The following RGS6 variants were observed in gnomAD, a reference collection of about 807,000 sequenced individuals.
The protein encoded by RGS6 is regulator of G protein signaling 6, also known as regulator of G-protein signaling 6.
RGS6 carries 30 observed loss-of-function variants against 78.5 expected under a neutral mutation model. That is an observed-to-expected ratio of 0.38 (90% CI 0.29 to 0.52). The LOEUF is 0.52. Ranked by LOEUF, RGS6 falls within the 20% of genes least tolerant of loss-of-function variation. The pLI, the probability that RGS6 is intolerant of heterozygous loss-of-function variation, is 0.85. For synonymous variants in RGS6, 206 were observed against 206.0 expected, an observed-to-expected ratio of 1.00 and a Z score of 0.00; for missense variants, 495 against 609.7, an observed-to-expected ratio of 0.81 and a Z score of 1.98.
At chr14:72,293,684 G>A (rs2064100884) in intron 2 of RGS6, among the ~76,000 whole-genome samples, 2 of 152,176 alleles carry the variant, frequency 1.3e-5, no homozygotes, top group South Asian at 4.1e-4. Flanking sequence ...AATAGTTGGT[G>A]CTATATTCTG....
chr14:72,383,213 T>TACATATAC (rs1555364568), intron 3 of RGS6, among the ~76,000 whole-genome samples: 22 of 118,336 alleles, frequency 1.9e-4, no homozygotes, highest in Admixed American at 1.9e-3. Flanking sequence ...TATATATATA[T>TACATATAC]ACACACAAAC....
chr14:71,977,818 A>T (rs1196981717), intron 2 of RGS6, among the ~76,000 whole-genome samples: 14 of 152,042 alleles, frequency 9.2e-5, no homozygotes, highest in African/African-American at 3.4e-4. Context: ...TGGTAGCTTG[A>T]TGGGGATGGC....
intron 17 of RGS6, chr14:72,541,626 G>A (rs1286452277): frequency 6.5e-7 from 1 of 1,535,198 alleles, no homozygotes; most frequent in Non-Finnish European, 8.7e-7. Flanking sequence ...AGAAGGTAGT[G>A]GGATCCCATC....
At chr14:72,127,967 G>T (rs2096239748) in intron 2 of RGS6, among the ~76,000 whole-genome samples, 1 of 151,970 alleles carries the variant, frequency 6.6e-6, no homozygotes, top group African/African-American at 2.4e-5. Flanking sequence ...AATTGCCCAA[G>T]ATTCATCCAA....
chr14:72,184,988 A>C (rs1179543675), intron 2 of RGS6, among the ~76,000 whole-genome samples: 2 of 152,190 alleles, frequency 1.3e-5, no homozygotes, highest in African/African-American at 4.8e-5. Context: ...TCCGAGTCCC[A>C]AAACCTCAAA....
intron 2 of RGS6, among the ~76,000 whole-genome samples, chr14:72,200,974 A>G (rs78990775): frequency 1.8e-5 from 1 of 56,700 alleles, no homozygotes; most frequent in East Asian, 4.5e-4. Context: ...AAAAAAAAAA[A>G]AAAAAAAAAA....
intron 3 of RGS6, among the ~76,000 whole-genome samples, chr14:72,419,517 A>T (rs1363857605): frequency 6.6e-6 from 1 of 152,204 alleles, no homozygotes; most frequent in Non-Finnish European, 1.5e-5. Flanking sequence ...TCGGCTGAAC[A>T]TCAGTGTTTA....
chr14:71,913,914 T>C, the RGS6 span, among the ~76,000 whole-genome samples: 1 of 152,244 alleles, frequency 6.6e-6, no homozygotes, highest in African/African-American at 2.4e-5. Flanking sequence ...AAGTGGATTA[T>C]CTAATTTACC....
At chr14:71,880,340 C>A in the RGS6 span, among the ~76,000 whole-genome samples, 3 of 152,066 alleles carry the variant, frequency 2.0e-5, no homozygotes, top group Non-Finnish European at 4.4e-5. Flanking sequence ...TGCAGAAATT[C>A]GCATTAGTAA....
chr14:72,225,234 C>T (rs1011307863), intron 2 of RGS6, among the ~76,000 whole-genome samples: 2 of 152,186 alleles, frequency 1.3e-5, no homozygotes, highest in African/African-American at 4.8e-5. Context: ...TTTGCAACCT[C>T]AGGGTTAGTC....
chr14:72,418,339 G>A lies in RGS6; in HGVS notation c.185-36189G>A, dbSNP rs191023374. 3.4e-4 allele frequency among the ~76,000 whole-genome samples: 51 copies of A among 152,136 alleles called. No individual in the cohort carries two copies. In the East Asian group the frequency reaches 6.4e-3, roughly 19 times the overall value. On this transcript the variant is annotated intron_variant, in intron 3 of 17. Coordinates refer to ENST00000553525, the MANE Select transcript of RGS6 (RefSeq NM_001204424.2). ...CTGCCACTACAGCCGGCTAATTTTT[G>A]TATTTTTAGTAGAGATGGGGTTTCA...
intron 2 of RGS6, among the ~76,000 whole-genome samples, chr14:71,985,576 T>C (rs2094674160): frequency 6.6e-6 from 1 of 152,178 alleles, no homozygotes; most frequent in African/African-American, 2.4e-5. Context: ...TTCTGGAAGG[T>C]CAATATTGAT....
At chr14:72,440,505 C>A (rs921551737) in intron 3 of RGS6, among the ~76,000 whole-genome samples, 1 of 151,256 alleles carries the variant, frequency 6.6e-6, no homozygotes, top group Non-Finnish European at 1.5e-5. Context: ...GTCTGCCTCC[C>A]GGGTTCAAGC....
At chr14:71,902,226 A>G in the RGS6 span, among the ~76,000 whole-genome samples, 2 of 152,234 alleles carry the variant, frequency 1.3e-5, no homozygotes, top group African/African-American at 2.4e-5. Context: ...ATTTAAAAAA[A>G]TATAAGCGAT....
At chr14:72,170,500 C>T in intron 2 of RGS6, among the ~76,000 whole-genome samples, 1 of 152,158 alleles carries the variant, frequency 6.6e-6, no homozygotes, top group Non-Finnish European at 1.5e-5. Context: ...GGTGAGGTCA[C>T]TGATTTGCAC....
intron 12 of RGS6, among the ~76,000 whole-genome samples, chr14:72,487,198 G>A (rs533800904): frequency 6.6e-6 from 1 of 152,242 alleles, no homozygotes; most frequent in Non-Finnish European, 1.5e-5. Flanking sequence ...ATTTGCGTGG[G>A]TTGTGATAGT....
chr14:72,434,252 G>A (rs1166392447), intron 3 of RGS6, among the ~76,000 whole-genome samples: 6 of 152,166 alleles, frequency 3.9e-5, no homozygotes, highest in African/African-American at 9.7e-5. Flanking sequence ...CAGGAGGATC[G>A]CTTGACACCA....
At chr14:72,182,520 G>C (rs1170945783) in intron 2 of RGS6, among the ~76,000 whole-genome samples, 1 of 151,684 alleles carries the variant, frequency 6.6e-6, no homozygotes, top group African/African-American at 2.4e-5. Flanking sequence ...TGCACTCCTT[G>C]CACTCCGTAG....
intron 2 of RGS6, among the ~76,000 whole-genome samples, chr14:72,313,615 A>C (rs2069220096): frequency 6.6e-6 from 1 of 152,034 alleles, no homozygotes; most frequent in South Asian, 2.1e-4. Flanking sequence ...CAAGTGATTA[A>C]GAGAAGCTAG....
Sources: gnomAD v4.1 joint callset for allele counts (sites outside exome capture counted in the v4.1 genomes callset) on GRCh38, gnomAD v4.1.1 for gene constraint, MANE v1.5 for transcripts, NCBI Gene and HGNC (gene_info 2026-07-23, HGNC 2026-07-21) for gene names.